Variants in DOCK1 observed in about 807,000 individuals in gnomAD.
The protein encoded by DOCK1 is dedicator of cytokinesis protein 1.
A neutral mutation model predicts 262.7 loss-of-function variants in DOCK1; 138 were observed. That is an observed-to-expected ratio of 0.53 (90% CI 0.46 to 0.61). DOCK1 has a LOEUF of 0.61. DOCK1 is among the 20% of genes least tolerant of loss of function. DOCK1 has a pLI of 0.00. For missense variants in DOCK1, 1,908 were observed against 2,370.7 expected, an observed-to-expected ratio of 0.80 and a Z score of 4.05; for synonymous variants, 866 against 867.4, an observed-to-expected ratio of 1.00 and a Z score of 0.03.
chr10:126,993,107 A>G (rs150581825), intron 6 of DOCK1, among the ~76,000 whole-genome samples: 30 of 152,354 alleles, frequency 2.0e-4, no homozygotes, highest in Admixed American at 6.5e-4. Context: ...AACTTCTCCA[A>G]GCTTAGGTTT....
intron 27 of DOCK1, among the ~76,000 whole-genome samples, chr10:127,244,759 T>C (rs2059376590): frequency 6.6e-6 from 1 of 152,220 alleles, no homozygotes; most frequent in Admixed American, 6.5e-5. Context: ...TATTTTTACT[T>C]ATTGACTTAT....
intron 23 of DOCK1, among the ~76,000 whole-genome samples, chr10:127,088,246 T>C (rs1464243227): frequency 1.3e-5 from 2 of 152,236 alleles, no homozygotes; most frequent in Non-Finnish European, 2.9e-5. Context: ...CGCTTATTAT[T>C]GTACTGTTTA....
At chr10:127,422,853 A>G (rs578181135) in intron 46 of DOCK1, among the ~76,000 whole-genome samples, 57 of 152,284 alleles carry the variant, frequency 3.7e-4, no homozygotes, top group African/African-American at 1.4e-3. Context: ...CAAAAGTTCT[A>G]TTGATTTTTT....
chr10:127,171,991 C>T (rs1357363710), intron 27 of DOCK1, among the ~76,000 whole-genome samples: 1 of 152,350 alleles, frequency 6.6e-6, no homozygotes, highest in South Asian at 2.1e-4. Context: ...AGGCATGATC[C>T]ACCGTGCCCG....
In DOCK1 at chr10:127,043,334, T is replaced by G. The variant is rs749562980; in HGVS notation, c.2201+170T>G. Among the ~76,000 whole-genome samples the G allele has an allele frequency of 5.3e-5, 8 of 152,346 alleles. No homozygotes were observed. The South Asian group carries it at 1.7e-3, about 32-fold the overall frequency. Reference sequence around the variant, plus strand: ...TTCCCTCTTAACATACCTAAAAACCTTGTTGAAAGAGATATGTGATAAATC... The same window carrying G: ...TTCCCTCTTAACATACCTAAAAACCGTGTTGAAAGAGATATGTGATAAATC... On this transcript the variant is annotated intron_variant, in intron 21 of 51. Coordinates refer to ENST00000623213, the MANE Select transcript of DOCK1 (RefSeq NM_001290223.2).
intron 27 of DOCK1, among the ~76,000 whole-genome samples, chr10:127,194,755 T>G (rs888676490): frequency 6.6e-6 from 1 of 152,192 alleles, no homozygotes; most frequent in African/African-American, 2.4e-5. Flanking sequence ...GTCTACCCTG[T>G]GCTATCCTGA....
At chr10:127,155,713 C>A (rs1442422084) in intron 27 of DOCK1, among the ~76,000 whole-genome samples, 2 of 152,196 alleles carry the variant, frequency 1.3e-5, no homozygotes, top group African/African-American at 2.4e-5. Flanking sequence ...GGCTCTTCCA[C>A]ATGATGACAT....
intron 46 of DOCK1, among the ~76,000 whole-genome samples, chr10:127,422,382 G>T (rs2068571904): frequency 6.6e-6 from 1 of 151,788 alleles, no homozygotes; most frequent in South Asian, 2.1e-4. Context: ...GGCCAGGATG[G>T]TCTCGATTTC....
intron 27 of DOCK1, among the ~76,000 whole-genome samples, chr10:127,203,780 G>A (rs1432024476): frequency 6.6e-6 from 1 of 151,832 alleles, no homozygotes; most frequent in African/African-American, 2.4e-5. Context: ...TTCTGCAGCT[G>A]TGCCATACTC....
At chr10:126,918,713 T>C (rs1254524523) in intron 1 of DOCK1, among the ~76,000 whole-genome samples, 2 of 152,222 alleles carry the variant, frequency 1.3e-5, no homozygotes, top group African/African-American at 4.8e-5. Flanking sequence ...CATTGCCAAC[T>C]GTCCCGGGGG....
At chr10:127,093,662 T>C (rs1249851572) in intron 23 of DOCK1, among the ~76,000 whole-genome samples, 5 of 151,994 alleles carry the variant, frequency 3.3e-5, no homozygotes, top group Non-Finnish European at 1.5e-5. Context: ...GGCCTTTTTT[T>C]TTTTCTTATA....
intron 2 of DOCK1, among the ~76,000 whole-genome samples, chr10:126,971,593 T>C (rs2038113740): frequency 6.6e-6 from 1 of 152,068 alleles, no homozygotes; most frequent in Non-Finnish European, 1.5e-5. Context: ...ATTATTTATA[T>C]TTTTTGTAGA....
intron 1 of DOCK1, among the ~76,000 whole-genome samples, chr10:126,920,780 C>T (rs1156241060): frequency 1.3e-5 from 2 of 152,094 alleles, no homozygotes; most frequent in African/African-American, 4.8e-5. Flanking sequence ...AGGTGTGCAC[C>T]CAGAAGAAGT....
chr10:127,061,543 G>A, intron 22 of DOCK1, 125 bp from the exon 23 acceptor site: 1 of 789,002 alleles, frequency 1.3e-6, no homozygotes, highest in Non-Finnish European at 2.1e-6. Flanking sequence ...CTTCATAGAT[G>A]TTGAGGATGT....
At chr10:127,380,193 A>G in intron 36 of DOCK1, 71 bp downstream of exon 36, 1 of 1,214,946 alleles carries the variant, frequency 8.2e-7, no homozygotes, top group East Asian at 2.7e-5. Context: ...TACGTATGCT[A>G]AGAAATGTGT....
At chr10:126,945,513 C>A (rs2035332537) in intron 1 of DOCK1, among the ~76,000 whole-genome samples, 1 of 151,916 alleles carries the variant, frequency 6.6e-6, no homozygotes. Flanking sequence ...GAAGTCAGAG[C>A]CCTTTTGTAA....
chr10:127,151,795 C>G (rs548547592), intron 27 of DOCK1, among the ~76,000 whole-genome samples: 15 of 152,290 alleles, frequency 9.8e-5, no homozygotes, highest in Middle Eastern at 3.4e-3. Flanking sequence ...CGCAGTTCTT[C>G]TAGCAAGTGG....
chr10:127,375,105 C>T (rs900897100), intron 35 of DOCK1, among the ~76,000 whole-genome samples: 8 of 152,206 alleles, frequency 5.3e-5, no homozygotes, highest in African/African-American at 1.7e-4. Context: ...TGGACACCCC[C>T]TTCCTGATGT....
chr10:127,126,366 GCA>G (rs1203763865), intron 26 of DOCK1, among the ~76,000 whole-genome samples: 2 of 152,118 alleles, frequency 1.3e-5, no homozygotes, highest in African/African-American at 4.8e-5. Flanking sequence ...GTGAGCCACT[GCA>G]CCTGGCCTAC....
Sources: allele counts gnomAD v4.1 joint callset (sites outside exome capture counted in the v4.1 genomes callset), GRCh38; gene constraint gnomAD v4.1.1; transcripts MANE v1.5; gene names NCBI Gene and HGNC (gene_info 2026-07-23, HGNC 2026-07-21).